The following REDIC1 variants were observed in gnomAD, a reference collection of about 807,000 sequenced individuals.
REDIC1 encodes HEI10 Interacting Protein 1.
the REDIC1 span, among the ~76,000 whole-genome samples, chr12:39,895,257 G>A: frequency 2.6e-5 from 4 of 151,666 alleles, no homozygotes; most frequent in East Asian, 3.9e-4. Context: ...AAAAAAGGCC[G>A]AGGCGGGCGG....
At chr12:39,629,398 A>G in the REDIC1 span, among the ~76,000 whole-genome samples, 1 of 152,210 alleles carries the variant, frequency 6.6e-6, no homozygotes, top group Non-Finnish European at 1.5e-5. Flanking sequence ...CAGATTGCAT[A>G]CACTAATTTG....
the REDIC1 span, among the ~76,000 whole-genome samples, chr12:39,714,217 G>T: frequency 1.4e-5 from 1 of 72,828 alleles, no homozygotes; most frequent in Non-Finnish European, 4.0e-5. Context: ...ATGCATATAC[G>T]TATATGCATG....
the REDIC1 span, among the ~76,000 whole-genome samples, chr12:39,728,402 CAT>C: frequency 1.6e-4 from 24 of 151,950 alleles, no homozygotes; most frequent in Non-Finnish European, 3.2e-4. Flanking sequence ...TTGAGATAAT[CAT>C]GTGGTTTTTG....
the REDIC1 span, among the ~76,000 whole-genome samples, chr12:39,630,654 CCATAGTAGAA>C: frequency 3.3e-5 from 5 of 151,986 alleles, no homozygotes; most frequent in Admixed American, 6.6e-5. Context: ...ATAATGTGAA[CCATAGTAGAA>C]CATAGGATAG....
chr12:39,868,492 G>A, the REDIC1 span, among the ~76,000 whole-genome samples: 1 of 152,194 alleles, frequency 6.6e-6, no homozygotes, highest in East Asian at 1.9e-4. Context: ...TGTCTAAAGT[G>A]CACATATTTC....
chr12:39,630,362 A>G, the REDIC1 span, among the ~76,000 whole-genome samples: 12 of 152,186 alleles, frequency 7.9e-5, no homozygotes, highest in Non-Finnish European at 1.2e-4. Flanking sequence ...TATAATTCAG[A>G]TTGGGGAATC....
the REDIC1 span, chr12:39,759,989 G>A: frequency 6.5e-7 from 1 of 1,533,608 alleles, no homozygotes; most frequent in East Asian, 2.3e-5. Flanking sequence ...TCTCCCCCCA[G>A]TTTGTTTAAA....
the REDIC1 span, chr12:39,830,340 G>A: frequency 6.8e-7 from 1 of 1,475,602 alleles, no homozygotes. Context: ...GTAAGCTTGG[G>A]GCCTTGGGAC....
the REDIC1 span, among the ~76,000 whole-genome samples, chr12:39,663,744 C>A: frequency 6.6e-6 from 1 of 151,934 alleles, no homozygotes; most frequent in South Asian, 2.1e-4. Flanking sequence ...TTTGCTCTAC[C>A]AGTTAGTTTT....
chr12:39,738,989 A>G, the REDIC1 span, among the ~76,000 whole-genome samples: 1 of 151,886 alleles, frequency 6.6e-6, no homozygotes, highest in African/African-American at 2.4e-5. Context: ...AAGTGGATAT[A>G]TTTCTGATTC....
the REDIC1 span, among the ~76,000 whole-genome samples, chr12:39,713,962 C>G: frequency 1.4e-5 from 2 of 147,002 alleles, no homozygotes; most frequent in African/African-American, 2.5e-5. Flanking sequence ...CGTGTATATA[C>G]AGGTATGTGC....
the REDIC1 span, among the ~76,000 whole-genome samples, chr12:39,715,507 C>G: frequency 5.3e-5 from 8 of 151,954 alleles, no homozygotes; most frequent in South Asian, 1.5e-3. Flanking sequence ...CTGCCAAAAG[C>G]AATCTACGAA....
chr12:39,823,549 A>G, the REDIC1 span, among the ~76,000 whole-genome samples: 1 of 152,202 alleles, frequency 6.6e-6, no homozygotes, highest in African/African-American at 2.4e-5. Context: ...CTTCCCTGGC[A>G]TATCAGTGAA....
the REDIC1 span, among the ~76,000 whole-genome samples, chr12:39,698,859 G>A: frequency 2.0e-5 from 3 of 152,172 alleles, no homozygotes; most frequent in East Asian, 1.9e-4. Flanking sequence ...AGGGAAGTTC[G>A]TAGCTCTAAA....
chr12:39,764,965 G>A, the REDIC1 span: 2 of 1,258,764 alleles, frequency 1.6e-6, no homozygotes, highest in Middle Eastern at 2.8e-4. Flanking sequence ...TGTCTTAAGA[G>A]TCCAAAATGT....
the REDIC1 span, among the ~76,000 whole-genome samples, chr12:39,711,299 C>T: frequency 2.1e-5 from 3 of 144,974 alleles, no homozygotes; most frequent in Non-Finnish European, 3.1e-5. Context: ...GTATATATAA[C>T]ATATATGTGT....
the REDIC1 span, among the ~76,000 whole-genome samples, chr12:39,658,959 T>C: frequency 8.5e-5 from 13 of 152,112 alleles, no homozygotes; most frequent in African/African-American, 2.9e-4. Flanking sequence ...AAAATATGTT[T>C]CTTATATTTA....
chr12:39,769,169 C>G, the REDIC1 span, among the ~76,000 whole-genome samples: 1 of 152,056 alleles, frequency 6.6e-6, no homozygotes, highest in Non-Finnish European at 1.5e-5. Flanking sequence ...ATTGTCTTCT[C>G]TACTGAATTA....
At chr12:39,665,512 C>T in the REDIC1 span, among the ~76,000 whole-genome samples, 1 of 150,180 alleles carries the variant, frequency 6.7e-6, no homozygotes, top group Non-Finnish European at 1.5e-5. Context: ...AGCGTGATGC[C>T]TCCAGCTTTG....
Sources: gnomAD v4.1 joint callset for allele counts (sites outside exome capture counted in the v4.1 genomes callset) on GRCh38, gnomAD v4.1.1 for gene constraint, MANE v1.5 for transcripts, NCBI Gene and HGNC (gene_info 2026-07-23, HGNC 2026-07-21) for gene names.